SOX5: variants seen among roughly 807,000 people sequenced by gnomAD.
SOX5 encodes the protein transcription factor SOX-5.
In SOX5, 9 loss-of-function variants were observed where a neutral mutation model predicts 92.0. That is an observed-to-expected ratio of 0.10 (90% confidence interval 0.06 to 0.17). The LOEUF is 0.17. Ranked by LOEUF, SOX5 falls within the 10% of genes least tolerant of loss-of-function variation. The pLI is 1.00. For missense variants in SOX5, 642 were observed against 944.5 expected, an observed-to-expected ratio of 0.68 and a Z score of 4.20; for synonymous variants, 344 against 336.3, an observed-to-expected ratio of 1.02 and a Z score of -0.25.
In SOX5 at chr12:23,714,458, T is replaced by C. The variant is rs184937161; in HGVS notation, c.810+20226A>G. Among the ~76,000 whole-genome samples the C allele has an allele frequency of 3.3e-3, 508 of 152,180 alleles. 4 individuals carry two copies. The highest frequency in any genetic ancestry group is 0.012 in the African/African-American group (487 of 41,540). On this transcript the variant is annotated intron_variant, in intron 6 of 14. Transcript: ENST00000451604. ...CCAACATGGCGAAACCCTGTCTCTA[T>C]TAAAAATACAAAACTTCTCCAGGCA...
rs1479230704 is a variant in SOX5, at chr12:23,936,748, A to G, written c.38+12816T>C. ...TCATATTTAACAAGTTTTTAAAAAG[A>G]GATAAAAATAATGTTAATATAGATT... On this transcript the variant is annotated intron_variant, in intron 1 of 14. Coordinates refer to ENST00000451604, the MANE Select transcript of SOX5 (RefSeq NM_006940.6). Among the ~76,000 whole-genome samples, 6 of 151,238 alleles carry G rather than the reference A, an allele frequency of 4.0e-5. No individual in the cohort carries two copies. The East Asian group carries it at 9.7e-4, about 25-fold the overall frequency.
At chr12:24,127,486 G>A (rs561990755) in intron 4 of SOX5, among the ~76,000 whole-genome samples, 28 of 152,024 alleles carry the variant, frequency 1.8e-4, no homozygotes, top group African/African-American at 6.3e-4. Flanking sequence ...GGTCACTACT[G>A]CAATACTTTT....
intron 1 of SOX5, among the ~76,000 whole-genome samples, chr12:23,933,801 G>A (rs1941962793): frequency 6.6e-6 from 1 of 151,526 alleles, no homozygotes; most frequent in African/African-American, 2.4e-5. Context: ...CTTAAACCTG[G>A]AGCAAATTTA....
intron 3 of SOX5, among the ~76,000 whole-genome samples, chr12:23,772,763 T>G (rs758991687): frequency 1.6e-4 from 25 of 152,202 alleles, no homozygotes; most frequent in Non-Finnish European, 3.5e-4. Context: ...TTTAAGGTAT[T>G]AAATGACTTT....
chr12:24,150,328 G>A (rs1951528317), intron 4 of SOX5, among the ~76,000 whole-genome samples: 2 of 152,182 alleles, frequency 1.3e-5, no homozygotes, highest in Admixed American at 1.3e-4. Flanking sequence ...GTAATGAAGA[G>A]TCTTACAAGG....
At chr12:24,402,113 C>T (rs1961854967) in intron 1 of SOX5, among the ~76,000 whole-genome samples, 1 of 151,970 alleles carries the variant, frequency 6.6e-6, no homozygotes, top group Non-Finnish European at 1.5e-5. Flanking sequence ...GCCATTTTTA[C>T]CTAGTAATTT....
chr12:23,556,399 A>C (rs1297460023), intron 11 of SOX5, among the ~76,000 whole-genome samples: 1 of 152,224 alleles, frequency 6.6e-6, no homozygotes, highest in Non-Finnish European at 1.5e-5. Flanking sequence ...GTAAATGTAG[A>C]GATTAAAAAA....
At chr12:24,128,520 C>T (rs1021037799) in intron 4 of SOX5, among the ~76,000 whole-genome samples, 2 of 152,104 alleles carry the variant, frequency 1.3e-5, no homozygotes, top group Admixed American at 6.6e-5. Context: ...CCTCTCGAAA[C>T]TTGATATTTT....
intron 3 of SOX5, among the ~76,000 whole-genome samples, chr12:23,839,825 T>C (rs947459542): frequency 1.9e-4 from 10 of 54,044 alleles, no homozygotes; most frequent in Non-Finnish European, 3.5e-4. Flanking sequence ...CTTCTCAACT[T>C]GGTAAAAAAA....
intron 1 of SOX5, among the ~76,000 whole-genome samples, chr12:24,492,594 T>G (rs1383118067): frequency 6.6e-6 from 1 of 152,126 alleles, no homozygotes; most frequent in East Asian, 1.9e-4. Flanking sequence ...TCCCCTCAAG[T>G]ATTAATAGAA....
chr12:23,832,383 C>T (rs886403360), intron 3 of SOX5, among the ~76,000 whole-genome samples: 14 of 152,156 alleles, frequency 9.2e-5, no homozygotes, highest in African/African-American at 3.4e-4. Flanking sequence ...TTGTTCTTGA[C>T]TACCTATCCT....
intron 1 of SOX5, among the ~76,000 whole-genome samples, chr12:24,433,024 A>G (rs750760064): frequency 6.6e-6 from 1 of 152,178 alleles, no homozygotes; most frequent in Non-Finnish European, 1.5e-5. Flanking sequence ...GTGATAATGT[A>G]TTTTTATAAC....
intron 6 of SOX5, among the ~76,000 whole-genome samples, chr12:23,721,491 T>C (rs949016362): frequency 1.3e-5 from 2 of 151,842 alleles, no homozygotes; most frequent in Non-Finnish European, 2.9e-5. Context: ...ACCAAACTGT[T>C]ACCCTCATCA....
chr12:24,385,314 G>C (rs1160110633), intron 1 of SOX5, among the ~76,000 whole-genome samples: 1 of 152,110 alleles, frequency 6.6e-6, no homozygotes, highest in Non-Finnish European at 1.5e-5. Flanking sequence ...CATAGGCTTT[G>C]TGTTAGATGG....
chr12:23,646,607 A>G (rs1187800336), intron 7 of SOX5, among the ~76,000 whole-genome samples: 2 of 152,356 alleles, frequency 1.3e-5, no homozygotes, highest in South Asian at 2.1e-4. Flanking sequence ...AAGTTCCATC[A>G]AACCCTGCCA....
chr12:24,189,624 A>C (rs1956333370), intron 4 of SOX5, among the ~76,000 whole-genome samples: 1 of 152,152 alleles, frequency 6.6e-6, no homozygotes, highest in South Asian at 2.1e-4. Context: ...TGGGGGAGGC[A>C]ATATAGCAAG....
chr12:24,555,952 C>T (rs1953736860), intron 1 of SOX5, among the ~76,000 whole-genome samples: 1 of 152,246 alleles, frequency 6.6e-6, no homozygotes, highest in Non-Finnish European at 1.5e-5. Flanking sequence ...CTTCCTGTAG[C>T]TGCTCCCAGC....
chr12:23,795,371 A>T (rs1176132315), intron 3 of SOX5, among the ~76,000 whole-genome samples: 1 of 152,046 alleles, frequency 6.6e-6, no homozygotes, highest in Non-Finnish European at 1.5e-5. Flanking sequence ...TCTGTTTATC[A>T]CAGAAAAGTT....
intron 4 of SOX5, among the ~76,000 whole-genome samples, chr12:24,034,441 G>A (rs531855722): frequency 2.6e-5 from 4 of 152,036 alleles, no homozygotes; most frequent in East Asian, 1.9e-4. Context: ...TCCGACTGCC[G>A]TGCAGCTTTC....
Sources: gnomAD v4.1 joint callset for allele counts (sites outside exome capture counted in the v4.1 genomes callset) on GRCh38, gnomAD v4.1.1 for gene constraint, MANE v1.5 for transcripts, NCBI Gene and HGNC (gene_info 2026-07-23, HGNC 2026-07-21) for gene names.